The following SLC1A3 variants were observed in gnomAD, a reference collection of about 807,000 sequenced individuals.
The protein encoded by SLC1A3 is excitatory amino acid transporter 1.
SLC1A3 carries 21 observed loss-of-function variants against 48.1 expected under a neutral mutation model. The observed-to-expected ratio is 0.44, with a 90% CI of 0.31 to 0.63. SLC1A3 has a LOEUF of 0.63. SLC1A3 is among the 20% of genes least tolerant of loss of function. SLC1A3 has a pLI of 0.08. For missense variants in SLC1A3, 546 were observed against 689.0 expected, an observed-to-expected ratio of 0.79 and a Z score of 2.32; for synonymous variants, 239 against 251.4, an observed-to-expected ratio of 0.95 and a Z score of 0.47.
chr5:36,605,801 G>T (rs557970432), upstream of SLC1A3, among the ~76,000 whole-genome samples: 3 of 152,100 alleles, frequency 2.0e-5, no homozygotes, highest in South Asian at 6.3e-4. Context: ...CCTTCTCAAG[G>T]CAATGAGAAT....
chr5:36,650,643 T>A (rs1316576977), intron 3 of SLC1A3, among the ~76,000 whole-genome samples: 2 of 152,210 alleles, frequency 1.3e-5, no homozygotes, highest in Non-Finnish European at 2.9e-5. Flanking sequence ...ATGGTATTGT[T>A]TAACATCTTT....
chr5:36,597,739 C>T (rs2562571), intron 1 of SLC1A3, among the ~76,000 whole-genome samples: 119,662 of 151,898 alleles, frequency 0.79, 47,221 homozygotes, highest in East Asian at 0.85. Flanking sequence ...ACTTGTCTTG[C>T]TCCCGCCATT....
intron 2 of SLC1A3, among the ~76,000 whole-genome samples, chr5:36,619,941 T>C (rs75006707): frequency 5.8e-4 from 88 of 152,366 alleles, no homozygotes; most frequent in African/African-American, 1.9e-3. Context: ...ATGGTTCTTT[T>C]AAACTCAGAA....
intron 1 of SLC1A3, among the ~76,000 whole-genome samples, chr5:36,607,916 A>G (rs565634356): frequency 6.6e-6 from 1 of 152,312 alleles, no homozygotes; most frequent in Non-Finnish European, 1.5e-5. Context: ...GCTTTCAACC[A>G]TGTATACAGC....
At chr5:36,684,198 C>A (rs973781502) in intron 9 of SLC1A3, among the ~76,000 whole-genome samples, 200 bp downstream of exon 9, 1 of 152,246 alleles carries the variant, frequency 6.6e-6, no homozygotes, top group Non-Finnish European at 1.5e-5. Flanking sequence ...ACTCACTCCC[C>A]TGTCAGCCTA....
chr5:36,637,092 T>A (rs1038045003), intron 3 of SLC1A3, among the ~76,000 whole-genome samples: 3 of 152,196 alleles, frequency 2.0e-5, no homozygotes, highest in African/African-American at 7.2e-5. Flanking sequence ...CTTCTGTGCC[T>A]GTTCTCCAGG....
At position 36,645,273 on chromosome 5, in the gene SLC1A3, C is replaced by T. The variant is rs1010868959; in HGVS notation, c.319+15686C>T. ...ATCCTCCCCTTTTGAAAACACTAAT[C>T]GGACCTCAAAACCAGATTTTATCTT... On this transcript the variant is annotated intron_variant, in intron 3 of 9. Transcript: ENST00000265113. Among the ~76,000 whole-genome samples the T allele has an allele frequency of 6.8e-5, 10 of 146,438 alleles. No homozygotes were observed. The South Asian group carries it at 8.9e-4, about 13-fold the overall frequency.
intron 2 of SLC1A3, among the ~76,000 whole-genome samples, chr5:36,620,149 T>C (rs1398096120): frequency 1.3e-5 from 2 of 152,230 alleles, no homozygotes; most frequent in African/African-American, 2.4e-5. Flanking sequence ...TTATTCTTTC[T>C]AGGCCTCAAT....
chr5:36,682,674 A>G (rs13355695), intron 8 of SLC1A3, among the ~76,000 whole-genome samples: 2,804 of 152,336 alleles, frequency 0.018, 91 homozygotes, highest in African/African-American at 0.064. Flanking sequence ...CTAGGGTATT[A>G]TCATTATCCA....
intron 5 of SLC1A3, among the ~76,000 whole-genome samples, chr5:36,676,466 G>A (rs914659904): frequency 1.3e-5 from 2 of 152,102 alleles, no homozygotes; most frequent in Middle Eastern, 3.2e-3. Context: ...ACCATAGCAT[G>A]ATCCCCACAG....
intron 2 of SLC1A3, among the ~76,000 whole-genome samples, chr5:36,623,473 A>T (rs1220951989): frequency 6.6e-6 from 1 of 152,116 alleles, no homozygotes; most frequent in African/African-American, 2.4e-5. Flanking sequence ...GCTTTTTGTC[A>T]GCTTTGGGAC....
chr5:36,684,129 T>C, intron 9 of SLC1A3, 131 bp downstream of exon 9: 3 of 1,146,150 alleles, frequency 2.6e-6, no homozygotes, highest in Non-Finnish European at 3.9e-6. Context: ...ATAGTTAAAT[T>C]GTCCTTATTG....
chr5:36,645,032 GC>G (rs1740779350), intron 3 of SLC1A3, among the ~76,000 whole-genome samples: 1 of 152,176 alleles, frequency 6.6e-6, no homozygotes. Flanking sequence ...TCAGTCTCAG[GC>G]TATATCTCAA....
At chr5:36,648,051 C>T (rs769998667) in intron 3 of SLC1A3, among the ~76,000 whole-genome samples, 10 of 152,070 alleles carry the variant, frequency 6.6e-5, no homozygotes, top group Non-Finnish European at 8.8e-5. Flanking sequence ...ATTTAATTAA[C>T]GCATTAATTA....
At position 36,608,197 on chromosome 5, in the gene SLC1A3, T is replaced by C. The variant is rs1029477866; in HGVS notation, c.-95-132T>C. 9 of 542,896 alleles carry C rather than the reference T, an allele frequency of 1.7e-5. No individual in the cohort carries two copies. In the African/African-American group the frequency reaches 1.7e-4, roughly 10 times the overall value. 33.6% of individuals were successfully genotyped at this position (542,896 alleles called of 1,614,324 possible). On this transcript the variant is annotated intron_variant, in intron 1 of 9. Coordinates refer to ENST00000265113, the MANE Select transcript of SLC1A3 (RefSeq NM_004172.5). ...ATATGCACACTGCAACCTTGAGGTC[T>C]GGTATTGTGGCTCTCCAGTCCTTGA...
chr5:36,648,643 A>G (rs1740931510), intron 3 of SLC1A3, among the ~76,000 whole-genome samples: 1 of 152,230 alleles, frequency 6.6e-6, no homozygotes, highest in South Asian at 2.1e-4. Context: ...TCTCACGTGT[A>G]CAGATAATCC....
At chr5:36,604,286 C>T (rs1260106742), upstream of SLC1A3, among the ~76,000 whole-genome samples, 2 of 151,332 alleles carry the variant, frequency 1.3e-5, no homozygotes, top group South Asian at 4.2e-4. Context: ...ATACAGCATA[C>T]AGAGACTTGT....
In SLC1A3 at chr5:36,677,090, G is replaced by T; in HGVS notation, c.766G>T (p.Val256Leu). ...LVVFSMCFGF[V>L]IGNMKEQGQA... ...TGTCTTCTCCATGTGCTTCGGTTTT[G>T]TGATTGGAAACATGAAGGAACAGGG... The change falls in exon 6 of 10, where the codon GTG (valine) becomes TTG (leucine). Residue 256 changes from valine to leucine, a missense_variant. Transcript: ENST00000265113. 6.2e-7 allele frequency: 1 copy of T among 1,614,154 alleles called. No individual in the cohort carries two copies.
rs114738345 is a variant in SLC1A3, at chr5:36,607,617, A to T, written c.-95-712A>T. 3.4e-3 allele frequency among the ~76,000 whole-genome samples: 512 copies of T among 152,330 alleles called. 13 individuals are homozygous for T. The highest frequency in any genetic ancestry group is 0.031 in the Admixed American group (481 of 15,298). On this transcript the variant is annotated intron_variant, in intron 1 of 9. Coordinates refer to ENST00000265113, the MANE Select transcript of SLC1A3 (RefSeq NM_004172.5). ...GTGTCACAAAGAAAAACACTACTTC[A>T]TACTTCTACTTGTGATAAACGAAGC...
Sources: gnomAD v4.1 joint callset for allele counts (sites outside exome capture counted in the v4.1 genomes callset) on GRCh38, gnomAD v4.1.1 for gene constraint, MANE v1.5 for transcripts, NCBI Gene and HGNC (gene_info 2026-07-23, HGNC 2026-07-21) for gene names.